ARSB: variants seen among roughly 807,000 people sequenced by gnomAD.
The protein encoded by ARSB is N-acetylgalactosamine-4-sulfatase.
In ARSB, 41 loss-of-function variants were observed where a neutral mutation model predicts 50.9. The observed-to-expected ratio is 0.81, with a 90% CI of 0.63 to 1.04. ARSB has a LOEUF of 1.04. ARSB is among the 50% of genes least tolerant of loss of function. The pLI is 0.00. For synonymous variants in ARSB, 269 were observed against 284.8 expected (o/e 0.94, Z 0.56); for missense variants, 672 against 693.3 (o/e 0.97, Z 0.35).
chr5:78,928,592 A>T (rs1407162477), intron 4 of ARSB, among the ~76,000 whole-genome samples: 3 of 152,154 alleles, frequency 2.0e-5, no homozygotes, highest in Non-Finnish European at 4.4e-5. Flanking sequence ...CTGGGATTAC[A>T]GGCGTGAGCC....
chr5:78,845,150 G>A (rs1289129175), intron 5 of ARSB, among the ~76,000 whole-genome samples: 1 of 151,892 alleles, frequency 6.6e-6, no homozygotes, highest in African/African-American at 2.4e-5. Context: ...TTCTGTGCCT[G>A]GCTTATTTCA....
At chr5:78,905,407 T>C (rs1749017503) in intron 4 of ARSB, among the ~76,000 whole-genome samples, 1 of 147,298 alleles carries the variant, frequency 6.8e-6, no homozygotes, top group South Asian at 2.2e-4. Flanking sequence ...AATACCATGT[T>C]CTGAGCCTCT....
chr5:78,913,637 T>C (rs1416152396), intron 4 of ARSB, among the ~76,000 whole-genome samples: 3 of 152,216 alleles, frequency 2.0e-5, no homozygotes, highest in African/African-American at 7.2e-5. Context: ...TATTTCAATA[T>C]AGGCTCAGTG....
intron 5 of ARSB, among the ~76,000 whole-genome samples, chr5:78,845,466 A>T (rs1745404519): frequency 6.6e-6 from 1 of 152,090 alleles, no homozygotes; most frequent in African/African-American, 2.4e-5. Context: ...TGTTTTCCAC[A>T]ATGGCTAGAC....
intron 6 of ARSB, among the ~76,000 whole-genome samples, chr5:78,812,999 TATA>T (rs980073865): frequency 2.0e-5 from 3 of 152,078 alleles, no homozygotes; most frequent in East Asian, 1.9e-4. Flanking sequence ...TCAAAAAATT[TATA>T]ATAATAATTG....
intron 4 of ARSB, among the ~76,000 whole-genome samples, chr5:78,949,406 G>C (rs1751399848): frequency 2.0e-5 from 3 of 152,170 alleles, no homozygotes; most frequent in Admixed American, 6.5e-5. Context: ...AGTAAAGTGA[G>C]AGAAGTGGGA....
At chr5:78,909,050 T>G (rs1380578841) in intron 4 of ARSB, among the ~76,000 whole-genome samples, 2 of 152,178 alleles carry the variant, frequency 1.3e-5, no homozygotes, top group East Asian at 3.8e-4. Context: ...AGGTAAACGG[T>G]ATAGTCTCGA....
intron 6 of ARSB, among the ~76,000 whole-genome samples, chr5:78,811,923 T>G (rs955106427): frequency 6.6e-6 from 1 of 151,512 alleles, no homozygotes; most frequent in Non-Finnish European, 1.5e-5. Context: ...TATTCACATT[T>G]CATCCATACA....
chr5:78,855,489 G>A (rs9686894), intron 5 of ARSB, among the ~76,000 whole-genome samples: 3,016 of 152,278 alleles, frequency 0.02, 102 homozygotes, highest in African/African-American at 0.07. Flanking sequence ...GGGGATGTCA[G>A]GCCATTGGGC....
At chr5:78,964,699 A>G in intron 2 of ARSB, 93 bp from the exon 3 acceptor site, 1 of 1,181,892 alleles carries the variant, frequency 8.5e-7, no homozygotes, top group South Asian at 1.3e-5. Context: ...GCAATTGATT[A>G]CCCGTGACGA....
chr5:78,952,449 G>A (rs1561522977), intron 4 of ARSB, among the ~76,000 whole-genome samples: 1 of 152,040 alleles, frequency 6.6e-6, no homozygotes, highest in Non-Finnish European at 1.5e-5. Context: ...CAATCCTCCA[G>A]CCTCAGCCCC....
At chr5:78,899,779 T>C (rs941806990) in intron 4 of ARSB, among the ~76,000 whole-genome samples, 1 of 152,208 alleles carries the variant, frequency 6.6e-6, no homozygotes, top group Non-Finnish European at 1.5e-5. Flanking sequence ...TTTAAATTAT[T>C]GGTCAGAAGC....
intron 4 of ARSB, among the ~76,000 whole-genome samples, chr5:78,928,015 C>A (rs1252874154): frequency 6.6e-6 from 1 of 152,152 alleles, no homozygotes; most frequent in African/African-American, 2.4e-5. Flanking sequence ...GACTCCATGG[C>A]CCAGACTGTG....
intron 6 of ARSB, among the ~76,000 whole-genome samples, chr5:78,838,982 T>C (rs1745068699): frequency 1.3e-5 from 2 of 151,866 alleles, no homozygotes; most frequent in South Asian, 4.2e-4. Context: ...TGACTGTGAG[T>C]TTTCTGGAAG....
chr5:78,911,572 T>TAACAAAAAAAAAA (rs1749309208), intron 4 of ARSB, among the ~76,000 whole-genome samples: 1 of 67,866 alleles, frequency 1.5e-5, no homozygotes, highest in Non-Finnish European at 2.5e-5. Flanking sequence ...AGACTCCCTC[T>TAACAAAAAAAAAA]AAAAAAAAAA....
chr5:78,964,640 G>C, intron 2 of ARSB, 34 bp from the exon 3 acceptor site: 1 of 1,593,326 alleles, frequency 6.3e-7, no homozygotes, highest in South Asian at 1.1e-5. Context: ...AGTCAGCATA[G>C]CATAAAACTT....
chr5:78,840,716 A>G (rs1745162097), intron 5 of ARSB, among the ~76,000 whole-genome samples: 1 of 151,530 alleles, frequency 6.6e-6, no homozygotes, highest in East Asian at 1.9e-4. Flanking sequence ...GTGATCAGAG[A>G]CAGTGGAAGA....
At chr5:78,941,303 C>T (rs1470708286) in intron 4 of ARSB, among the ~76,000 whole-genome samples, 4 of 150,736 alleles carry the variant, frequency 2.7e-5, no homozygotes, top group Non-Finnish European at 5.9e-5. Context: ...TTGCCCTGGC[C>T]AGAACTTCCA....
intron 1 of ARSB, among the ~76,000 whole-genome samples, chr5:78,969,622 T>C (rs1373066120): frequency 1.3e-5 from 2 of 152,202 alleles, no homozygotes; most frequent in Non-Finnish European, 2.9e-5. Flanking sequence ...GTTTTGTTTT[T>C]GTTTTTGTTT....
Sources: allele counts gnomAD v4.1 joint callset (sites outside exome capture counted in the v4.1 genomes callset), GRCh38; gene constraint gnomAD v4.1.1; transcripts MANE v1.5; gene names NCBI Gene and HGNC (gene_info 2026-07-23, HGNC 2026-07-21).